The following ATXN7L1 variants were observed in gnomAD, a reference collection of about 807,000 sequenced individuals.
ATXN7L1 encodes the protein ataxin 7 like 1, also known as ataxin-7-like protein 1.
ATXN7L1 carries 15 observed loss-of-function variants against 70.8 expected under a neutral mutation model. That is an observed-to-expected ratio of 0.21 (90% confidence interval 0.14 to 0.33). ATXN7L1 has a LOEUF of 0.33. Among genes scored for constraint, ATXN7L1 ranks in the 10% least tolerant of loss-of-function variants. The pLI is 1.00. For synonymous variants in ATXN7L1, 440 were observed against 445.1 expected, an observed-to-expected ratio of 0.99 and a Z score of 0.14; for missense variants, 975 against 1,097.1, an observed-to-expected ratio of 0.89 and a Z score of 1.57.
intron 1 of ATXN7L1, 69 bp downstream of exon 1, chr7:105,876,309 C>T: frequency 6.8e-7 from 1 of 1,479,008 alleles, no homozygotes; most frequent in Non-Finnish European, 9.0e-7. Flanking sequence ...CACACTTTTT[C>T]CCAGTGGCTC....
At chr7:105,679,912 A>C (rs1381015390) in intron 3 of ATXN7L1, among the ~76,000 whole-genome samples, 1 of 151,450 alleles carries the variant, frequency 6.6e-6, no homozygotes, top group African/African-American at 2.4e-5. Context: ...TGTGATGCAA[A>C]TTTCACCTCA....
intron 2 of ATXN7L1, among the ~76,000 whole-genome samples, chr7:105,791,768 CTTAT>C (rs1170990796): frequency 1.3e-5 from 2 of 152,146 alleles, no homozygotes; most frequent in African/African-American, 2.4e-5. Context: ...AGGGCTACAA[CTTAT>C]TTATTTATTC....
At position 105,788,652 on chromosome 7, in the gene ATXN7L1, T is replaced by C. The variant is rs868017484; in HGVS notation, c.307A>G (p.Ser103Gly). 1 of 1,614,078 alleles carries C rather than the reference T, an allele frequency of 6.2e-7. No homozygotes were observed. The highest frequency in any genetic ancestry group is 8.5e-7 in the Non-Finnish European group (1 of 1,179,962). Reference protein sequence around the residue: ...AHDDFYLVVCSACNQVVKPQV... With the variant: ...AHDDFYLVVCGACNQVVKPQV... The stretch of plus-strand genomic sequence containing the variant: ...GGCTTGACGACCTGGTTACAGGCAC[T>C]GCACACTACGAGATAGAAGTCGTCA... Residue 103 changes from serine to glycine, a missense_variant, in exon 3 of 12, where the codon AGT becomes GGT. Ser to Gly is a moderately conservative substitution (Grantham distance 56). Transcript: ENST00000419735.
At chr7:105,839,703 C>T (rs10272675) in intron 2 of ATXN7L1, among the ~76,000 whole-genome samples, 29,824 of 152,018 alleles carry the variant, frequency 0.2, 3,103 homozygotes, top group Middle Eastern at 0.23. Flanking sequence ...TGATGAGTAT[C>T]TACTTTGTTG....
At position 105,801,798 on chromosome 7, in the gene ATXN7L1, G is replaced by A. The variant is rs1204363; in HGVS notation, c.251-13090C>T. Among the ~76,000 whole-genome samples the A allele has an allele frequency of 2.1e-3, 316 of 152,170 alleles. 2 individuals carry two copies. The highest frequency in any genetic ancestry group is 7.3e-3 in the African/African-American group (301 of 41,516). ...ACTTCATATTTACAGACTTCACATT[G>A]GTAGTTTGAAATTGGCACAGTGGGA... is the stretch of plus-strand genomic sequence containing the variant. On this transcript the variant is annotated intron_variant, in intron 2 of 11. Coordinates refer to ENST00000419735, the MANE Select transcript of ATXN7L1 (RefSeq NM_020725.2).
chr7:105,702,809 G>A (rs1282836703), intron 3 of ATXN7L1, among the ~76,000 whole-genome samples: 7 of 151,618 alleles, frequency 4.6e-5, no homozygotes, highest in Admixed American at 4.6e-4. Flanking sequence ...GAGAAACCCC[G>A]TCTCTACTAA....
intron 3 of ATXN7L1, among the ~76,000 whole-genome samples, chr7:105,779,373 G>A (rs1180500824): frequency 6.6e-6 from 1 of 152,206 alleles, no homozygotes; most frequent in Non-Finnish European, 1.5e-5. Context: ...AGTGAAAAGT[G>A]GGACCAGGTC....
intron 2 of ATXN7L1, among the ~76,000 whole-genome samples, chr7:105,824,937 A>C (rs980192276): frequency 6.6e-6 from 1 of 151,880 alleles, no homozygotes; most frequent in African/African-American, 2.4e-5. Flanking sequence ...AAAAAAAACA[A>C]AAAAATAAAA....
At chr7:105,726,679 A>C (rs1355065556) in intron 3 of ATXN7L1, among the ~76,000 whole-genome samples, 2 of 152,168 alleles carry the variant, frequency 1.3e-5, no homozygotes, top group African/African-American at 2.4e-5. Flanking sequence ...GGAGATGATC[A>C]ATCATGTTTG....
chr7:105,746,447 G>T (rs866587147), intron 3 of ATXN7L1, among the ~76,000 whole-genome samples: 2 of 152,150 alleles, frequency 1.3e-5, no homozygotes, highest in Non-Finnish European at 2.9e-5. Flanking sequence ...TGTCCCAGGG[G>T]CATGAGAGCC....
intron 3 of ATXN7L1, among the ~76,000 whole-genome samples, chr7:105,689,660 C>T (rs1046174561): frequency 3.3e-5 from 5 of 152,096 alleles, no homozygotes; most frequent in African/African-American, 4.8e-5. Flanking sequence ...GGAGGAGGCA[C>T]GGGGAAGTGG....
chr7:105,715,683 G>A (rs956270260), intron 3 of ATXN7L1, among the ~76,000 whole-genome samples: 4 of 152,226 alleles, frequency 2.6e-5, no homozygotes, highest in African/African-American at 9.6e-5. Flanking sequence ...TTAAGCAATG[G>A]TTTTGTTCTC....
intron 3 of ATXN7L1, among the ~76,000 whole-genome samples, chr7:105,726,893 T>C (rs573120855): frequency 3.5e-4 from 53 of 152,350 alleles, no homozygotes; most frequent in Admixed American, 1.2e-3. Flanking sequence ...TAGACCATTA[T>C]AGACACTATC....
chr7:105,641,295 G>A (rs1798203163), intron 5 of ATXN7L1, among the ~76,000 whole-genome samples: 3 of 122,924 alleles, frequency 2.4e-5, no homozygotes, highest in Middle Eastern at 4.4e-3. Context: ...TGGTTTGCTC[G>A]GAGCCCTCTC....
chr7:105,790,667 T>TCTA (rs1455656723), intron 2 of ATXN7L1, among the ~76,000 whole-genome samples: 4 of 141,086 alleles, frequency 2.8e-5, no homozygotes, highest in East Asian at 4.1e-4. Flanking sequence ...CTATCTACTA[T>TCTA]CTATCTACTA....
At chr7:105,875,384 A>T (rs1422591985) in intron 2 of ATXN7L1, 1 of 175,518 alleles carries the variant, frequency 5.7e-6, no homozygotes, top group Non-Finnish European at 1.2e-5. Context: ...TTCAGTGGTG[A>T]GTGGAGAAGT....
chr7:105,737,434 C>T lies in ATXN7L1; in HGVS notation c.355+51170G>A, dbSNP rs1797506909. Reference sequence around the variant, plus strand: ...CCACGAAGTAGATACTCTTATAATCCTCATGCTACAGTTGGGTATGTAGAG... The same window carrying T: ...CCACGAAGTAGATACTCTTATAATCTTCATGCTACAGTTGGGTATGTAGAG... On this transcript the variant is annotated intron_variant, in intron 3 of 11. Coordinates refer to ENST00000419735, the MANE Select transcript of ATXN7L1 (RefSeq NM_020725.2). Among the ~76,000 whole-genome samples, 2 of 152,266 alleles carry T rather than the reference C, an allele frequency of 1.3e-5. 1 individual carries two copies. Among genetic ancestry groups the T allele is most frequent in the Middle Eastern group, 6.8e-3 (2 of 292 alleles).
intron 3 of ATXN7L1, among the ~76,000 whole-genome samples, chr7:105,770,822 T>C (rs1343499851): frequency 6.6e-6 from 1 of 152,196 alleles, no homozygotes; most frequent in African/African-American, 2.4e-5. Flanking sequence ...TTAAATTTCC[T>C]AGCTAAATTC....
Position 105,614,436 on chromosome 7 carries a change from G to C in ATXN7L1, c.1898C>G (p.Ser633Cys). The C allele has an allele frequency of 3.9e-6, 6 of 1,548,796 alleles. No individual in the cohort carries two copies. Among genetic ancestry groups the C allele is most frequent in the Non-Finnish European group, 5.2e-6 (6 of 1,145,306 alleles). Reference protein sequence around the residue: ...TSKSSKVKDLSTRSDESPSNK... With the variant: ...TSKSSKVKDLCTRSDESPSNK... ...ACTTGGAGACTCGTCGCTACGGGTG[G>C]ACAGGTCTTTGACTTTTGAGGATTT... The change falls in exon 10 of 12, where the codon TCC becomes TGC. Residue 633 changes from serine (S) to cysteine (C), a missense_variant. Ser to Cys is a moderately radical substitution (Grantham distance 112). Transcript: ENST00000419735. The surrounding 1 kb of genome is among the most constrained non-coding windows in gnomAD (Gnocchi z 4.3).
Sources: allele counts gnomAD v4.1 joint callset (sites outside exome capture counted in the v4.1 genomes callset), GRCh38; gene constraint gnomAD v4.1.1; non-coding constraint Gnocchi (gnomAD v3.1); transcripts MANE v1.5; gene names NCBI Gene and HGNC (gene_info 2026-07-23, HGNC 2026-07-21).